Variants in EPHB1 observed in about 807,000 individuals in gnomAD.
EPHB1 encodes the protein ephrin type-B receptor 1.
Under a neutral mutation model 94.4 loss-of-function variants are expected in EPHB1, and 30 were observed. The ratio of observed to expected loss-of-function variants is 0.32; its 90% CI spans 0.24 to 0.43. The LOEUF (loss-of-function observed/expected upper bound fraction) is 0.43, where lower values mean the gene tolerates loss of function less well. Among genes scored for constraint, EPHB1 ranks in the 20% least tolerant of loss-of-function variants. EPHB1 has a pLI of 1.00. For synonymous variants in EPHB1, 522 were observed against 489.1 expected, an observed-to-expected ratio of 1.07 and a Z score of -0.89; for missense variants, 1,055 against 1,308.3, an observed-to-expected ratio of 0.81 and a Z score of 2.99.
At chr3:135,021,617 A>AT (rs2107754650) in intron 3 of EPHB1, among the ~76,000 whole-genome samples, 1 of 150,800 alleles carries the variant, frequency 6.6e-6, no homozygotes, top group Non-Finnish European at 1.5e-5. Flanking sequence ...AGCGATGATT[A>AT]TTTTTTCTTC....
intron 1 of EPHB1, among the ~76,000 whole-genome samples, chr3:134,819,462 G>T (rs2036338552): frequency 6.6e-6 from 1 of 152,158 alleles, no homozygotes; most frequent in Non-Finnish European, 1.5e-5. Flanking sequence ...CTTGGAAGTA[G>T]CTCCTCTATA....
chr3:134,860,404 G>A (rs1348101917), intron 1 of EPHB1, among the ~76,000 whole-genome samples: 4 of 152,206 alleles, frequency 2.6e-5, no homozygotes, highest in Non-Finnish European at 5.9e-5. Context: ...GACATGGAAA[G>A]ATAACACATT....
At chr3:134,834,873 C>T (rs2036644259) in intron 1 of EPHB1, among the ~76,000 whole-genome samples, 1 of 152,186 alleles carries the variant, frequency 6.6e-6, no homozygotes, top group East Asian at 1.9e-4. Flanking sequence ...CAGACCTTGA[C>T]AGAGAAGTCA....
intron 1 of EPHB1, among the ~76,000 whole-genome samples, chr3:134,920,023 A>G (rs1279337188): frequency 1.3e-5 from 2 of 151,878 alleles, no homozygotes; most frequent in Non-Finnish European, 2.9e-5. Flanking sequence ...CTCACATTGT[A>G]CCTATGAGTC....
chr3:134,948,604 G>A (rs1224068290), intron 2 of EPHB1, among the ~76,000 whole-genome samples: 3 of 152,240 alleles, frequency 2.0e-5, no homozygotes, highest in Non-Finnish European at 2.9e-5. Context: ...GGTGAGGCTC[G>A]ACAGTGTGAA....
intron 1 of EPHB1, among the ~76,000 whole-genome samples, chr3:134,860,211 A>T (rs899089591): frequency 6.7e-6 from 1 of 150,238 alleles, no homozygotes; most frequent in Admixed American, 6.7e-5. Flanking sequence ...GGAAAGGGGC[A>T]CAGGGATCAG....
At chr3:135,047,889 A>ACAG (rs1433836929) in intron 3 of EPHB1, among the ~76,000 whole-genome samples, 1 of 152,184 alleles carries the variant, frequency 6.6e-6, no homozygotes, top group Non-Finnish European at 1.5e-5. Context: ...AATGCACAGG[A>ACAG]CAGCCCCTCC....
rs1441739448 is a variant in EPHB1, at chr3:135,198,315, C to T, written c.2131-3159C>T. 2.0e-5 allele frequency among the ~76,000 whole-genome samples: 3 copies of T among 152,228 alleles called. No individual in the cohort carries two copies. In the East Asian group the frequency reaches 5.8e-4, roughly 29 times the overall value. ...CTGATCACATACATTTTCTGGACCT[C>T]CTTTATCTTGTCTGTGAAAACAATA... On this transcript the variant is annotated intron_variant, in intron 11 of 15. Transcript: ENST00000398015.
intron 1 of EPHB1, among the ~76,000 whole-genome samples, chr3:134,907,854 T>A (rs1207466486): frequency 6.6e-6 from 1 of 152,202 alleles, no homozygotes; most frequent in Admixed American, 6.5e-5. Context: ...TCTATGTCAG[T>A]GTTTGCCCCA....
intron 3 of EPHB1, among the ~76,000 whole-genome samples, chr3:134,977,449 G>A (rs1350847411): frequency 6.6e-6 from 1 of 152,186 alleles, no homozygotes; most frequent in Non-Finnish European, 1.5e-5. Flanking sequence ...TTCATTTCAA[G>A]AAAAATAGTA....
intron 1 of EPHB1, among the ~76,000 whole-genome samples, chr3:134,804,823 G>C (rs761799452): frequency 9.2e-5 from 14 of 152,180 alleles, no homozygotes; most frequent in Non-Finnish European, 1.6e-4. Flanking sequence ...AAGAACATGT[G>C]GGGGGATGTT....
At position 135,060,035 on chromosome 3, in the gene EPHB1, T is replaced by C. The variant is rs73864242; in HGVS notation, c.806-46413T>C. On this transcript the variant is annotated intron_variant, in intron 3 of 15. Transcript: ENST00000398015. ...TCTATTTCTGAAAGAACAGACAATA[T>C]TGAAATATATTTAACGTACTGTAAA... Among the ~76,000 whole-genome samples the C allele has an allele frequency of 9.8e-3, 1,493 of 152,318 alleles. 20 individuals are homozygous for C. The highest frequency in any genetic ancestry group is 0.035 in the African/African-American group (1,435 of 41,568).
At position 135,197,150 on chromosome 3, in the gene EPHB1, T is replaced by G. The variant is rs764469783; in HGVS notation, c.2131-4324T>G. Among the ~76,000 whole-genome samples the G allele has an allele frequency of 5.3e-5, 8 of 152,082 alleles. No homozygotes were observed. In the Middle Eastern group the frequency reaches 0.01, roughly 194 times the overall value. ...AAATAATAATAAGCGAAACAATTCCTGAAGCTGTGACCAGTATCCCATGGT... is the reference window on the plus strand; with the variant it reads ...AAATAATAATAAGCGAAACAATTCCGGAAGCTGTGACCAGTATCCCATGGT... On this transcript the variant is annotated intron_variant, in intron 11 of 15. Coordinates refer to ENST00000398015, the MANE Select transcript of EPHB1 (RefSeq NM_004441.5).
intron 12 of EPHB1, among the ~76,000 whole-genome samples, chr3:135,237,539 C>T (rs1943685735): frequency 6.6e-6 from 1 of 152,034 alleles, no homozygotes; most frequent in Non-Finnish European, 1.5e-5. Flanking sequence ...ACAGTGACCC[C>T]TGCGGCAGCT....
At chr3:134,991,489 G>C (rs1429732660) in intron 3 of EPHB1, among the ~76,000 whole-genome samples, 1 of 151,814 alleles carries the variant, frequency 6.6e-6, no homozygotes, top group Non-Finnish European at 1.5e-5. Flanking sequence ...GTTTCCATAC[G>C]GGCATCAGCC....
At chr3:134,806,147 T>C (rs1430301445) in intron 1 of EPHB1, among the ~76,000 whole-genome samples, 1 of 152,218 alleles carries the variant, frequency 6.6e-6, no homozygotes, top group African/African-American at 2.4e-5. Flanking sequence ...TTTATACTCT[T>C]CCTATCAAAA....
chr3:135,239,086 C>T (rs1021187411), intron 12 of EPHB1, among the ~76,000 whole-genome samples: 1 of 152,206 alleles, frequency 6.6e-6, no homozygotes, highest in African/African-American at 2.4e-5. Context: ...GCATGCCCTC[C>T]AGGCATTTGT....
At chr3:135,111,585 G>A (rs1939445272) in intron 4 of EPHB1, among the ~76,000 whole-genome samples, 1 of 152,154 alleles carries the variant, frequency 6.6e-6, no homozygotes, top group Non-Finnish European at 1.5e-5. Context: ...GAGTGTGAAT[G>A]TACGAGCGCA....
chr3:134,894,459 G>T (rs567444634), intron 1 of EPHB1, among the ~76,000 whole-genome samples: 16 of 152,332 alleles, frequency 1.1e-4, no homozygotes, highest in Non-Finnish European at 2.9e-5. Flanking sequence ...TTTAAACCTT[G>T]CCTCAGCCTC....
Sources: allele counts gnomAD v4.1 joint callset (sites outside exome capture counted in the v4.1 genomes callset), GRCh38; gene constraint gnomAD v4.1.1; transcripts MANE v1.5; gene names NCBI Gene and HGNC (gene_info 2026-07-23, HGNC 2026-07-21).